Variants in TUBB8B observed in about 807,000 individuals in gnomAD.
The protein encoded by TUBB8B is HSA18p11 beta-tubulin 4Q pseudogene.
A neutral mutation model predicts 31.9 loss-of-function variants in TUBB8B; 26 were observed. That is an observed-to-expected ratio of 0.81 (90% CI 0.60 to 1.13). The LOEUF is 1.13. TUBB8B is among the 50% of genes most tolerant of loss of function. The probability of loss-of-function intolerance (pLI) is 0.00; values close to 1 mark genes in which losing one functional copy is unlikely to be tolerated. For synonymous variants in TUBB8B, 173 were observed against 231.0 expected, an observed-to-expected ratio of 0.75 and a Z score of 2.28; for missense variants, 467 against 586.7, an observed-to-expected ratio of 0.80 and a Z score of 2.11.
rs1462669182 is a variant in TUBB8B, at chr18:47,262, A to G, written c.*128T>C. The stretch of plus-strand genomic sequence containing the variant: ...ACTTTATTAGTCAAAACCGCATACT[A>G]TAAAAATGCTTTAAAACGCAGCAGG... On this transcript the variant is annotated 3_prime_UTR_variant, in exon 4 of 4. Coordinates refer to ENST00000308911, the MANE Select transcript of TUBB8B (RefSeq NM_001358689.2). 5.3e-6 allele frequency: 3 copies of G among 570,008 alleles called. No individual in the cohort carries two copies. Among genetic ancestry groups the G allele is most frequent in the Non-Finnish European group, 6.1e-6 (2 of 327,484 alleles). 35.3% of individuals were successfully genotyped at this position (570,008 alleles called of 1,614,324 possible).
At chr18:67,073 G>A in the TUBB8B span, among the ~76,000 whole-genome samples, 1 of 148,920 alleles carries the variant, frequency 6.7e-6, no homozygotes, top group Admixed American at 6.7e-5. Context: ...TCGGCTCACT[G>A]CAACCTCTGC....
chr18:67,194 A>C, the TUBB8B span, among the ~76,000 whole-genome samples: 1 of 152,026 alleles, frequency 6.6e-6, no homozygotes, highest in South Asian at 2.1e-4. Context: ...ACGGGGTTTC[A>C]CCGTGTTAGC....
the TUBB8B span, among the ~76,000 whole-genome samples, chr18:68,691 C>T: frequency 6.6e-6 from 1 of 152,120 alleles, no homozygotes; most frequent in Non-Finnish European, 1.5e-5. Flanking sequence ...CCAAGGTTCA[C>T]AATGTCACTC....
chr18:63,874 ACCCTAGCCCTAACCCTAACCCTAC>A, the TUBB8B span, among the ~76,000 whole-genome samples: 3 of 133,654 alleles, frequency 2.2e-5, no homozygotes, highest in African/African-American at 8.6e-5. Flanking sequence ...ACTGACCCCA[ACCCTAGCCCTAACCCTAACCCTAC>A]CCCTAACCCC....
chr18:53,684 G>A (rs1310181563), upstream of TUBB8B, among the ~76,000 whole-genome samples: 1 of 151,778 alleles, frequency 6.6e-6, no homozygotes, highest in Non-Finnish European at 1.5e-5. Flanking sequence ...GGCCAGGCTG[G>A]TCTCAAACCC....
At chr18:66,771 T>C in the TUBB8B span, among the ~76,000 whole-genome samples, 1 of 152,080 alleles carries the variant, frequency 6.6e-6, no homozygotes, top group Non-Finnish European at 1.5e-5. Flanking sequence ...AAATTTCATA[T>C]AAATGACAGG....
the TUBB8B span, among the ~76,000 whole-genome samples, chr18:66,691 A>G: frequency 6.6e-6 from 1 of 152,152 alleles, no homozygotes; most frequent in Non-Finnish European, 1.5e-5. Context: ...AAGATTTGAA[A>G]TTGGGAAATG....
intron 1 of TUBB8B, 53 bp from the exon 2 acceptor site, chr18:49,290 C>T: frequency 1.3e-6 from 2 of 1,490,708 alleles, no homozygotes; most frequent in South Asian, 2.4e-5. Flanking sequence ...CGGAGGCGCC[C>T]CAGCCGCTCT....
the TUBB8B span, among the ~76,000 whole-genome samples, chr18:67,743 C>T: frequency 2.0e-5 from 3 of 152,070 alleles, no homozygotes; most frequent in South Asian, 4.1e-4. Context: ...CATATCACGG[C>T]ATATCGTAAT....
chr18:57,687 C>T, the TUBB8B span, among the ~76,000 whole-genome samples: 1 of 151,860 alleles, frequency 6.6e-6, no homozygotes, highest in African/African-American at 2.4e-5. Context: ...TAGGCCATGC[C>T]CCAGTGGGGA....
chr18:47,880 C>T lies in TUBB8B; in HGVS notation c.845G>A (p.Arg282Gln), dbSNP rs758103852. 2.5e-5 allele frequency: 41 copies of T among 1,611,060 alleles called. No individual in the cohort carries two copies. The East Asian group carries it at 4.2e-4, about 17-fold the overall frequency. Residue 282 changes from arginine (R) to glutamine (Q), a missense_variant, in exon 4 of 4, where the codon CGG (arginine) becomes CAG (glutamine). Around this residue, in one of 2 missense-constraint regions of TUBB8B, gnomAD observed 259 missense variants for 380.1 expected, o/e 0.68. Coordinates refer to ENST00000308911, the MANE Select transcript of TUBB8B (RefSeq NM_001358689.2). ...PLTSRGSQQYRALTVAELTQQ... is the reference protein window; with the variant it reads ...PLTSRGSQQYQALTVAELTQQ... ...GGTGAGCTCAGCCACAGTCAAGGCC[C>T]GGTACTGCTGGCTGCCCCGGCTGGT...
the TUBB8B span, among the ~76,000 whole-genome samples, chr18:72,051 C>A: frequency 6.6e-6 from 1 of 151,312 alleles, no homozygotes. Context: ...TTGTGGCAGG[C>A]GCCTGTAATC....
At chr18:65,762 G>A in the TUBB8B span, among the ~76,000 whole-genome samples, 386 of 152,234 alleles carry the variant, frequency 2.5e-3, no homozygotes, top group African/African-American at 9.0e-3. Flanking sequence ...CAGTAAAAAC[G>A]GCTACTCACA....
chr18:51,248 C>A (rs1247363127), upstream of TUBB8B, among the ~76,000 whole-genome samples: 3 of 151,892 alleles, frequency 2.0e-5, no homozygotes, highest in Non-Finnish European at 4.4e-5. Context: ...GTCTGGCCTG[C>A]TAGAATCAAT....
chr18:70,769 T>C, the TUBB8B span, among the ~76,000 whole-genome samples: 1 of 151,760 alleles, frequency 6.6e-6, no homozygotes, highest in African/African-American at 2.4e-5. Context: ...CTGACCAATA[T>C]GGTGAAACCC....
the TUBB8B span, among the ~76,000 whole-genome samples, chr18:72,185 A>AG: frequency 1.3e-5 from 1 of 79,036 alleles, no homozygotes; most frequent in Non-Finnish European, 2.4e-5. Context: ...CTCAAAAAAA[A>AG]AAAAAAAAAA....
At chr18:51,208 T>G (rs990805759), upstream of TUBB8B, among the ~76,000 whole-genome samples, 7 of 151,896 alleles carry the variant, frequency 4.6e-5, no homozygotes, top group Non-Finnish European at 1.0e-4. Flanking sequence ...CACTCTGCCT[T>G]GGGATGGTCA....
the TUBB8B span, among the ~76,000 whole-genome samples, chr18:65,106 G>A: frequency 3.9e-4 from 59 of 152,096 alleles, no homozygotes; most frequent in East Asian, 1.4e-3. Context: ...TTTGAGACCC[G>A]TCTTGCCAAC....
the TUBB8B span, among the ~76,000 whole-genome samples, chr18:61,755 C>T: frequency 1.3e-5 from 2 of 151,308 alleles, no homozygotes; most frequent in African/African-American, 2.4e-5. Flanking sequence ...AACTCCATTG[C>T]CATTCTTTTA....
Sources: allele counts gnomAD v4.1 joint callset (sites outside exome capture counted in the v4.1 genomes callset), GRCh38; gene constraint gnomAD v4.1.1; regional missense constraint gnomAD v4.1.1; transcripts MANE v1.5; gene names NCBI Gene and HGNC (gene_info 2026-07-23, HGNC 2026-07-21).